The following CPNE4 variants were observed in gnomAD, a reference collection of about 807,000 sequenced individuals.
CPNE4 encodes copine 4, also known as copine-4.
In CPNE4, 25 loss-of-function variants were observed where a neutral mutation model predicts 67.9. That is an observed-to-expected ratio of 0.37 (90% CI 0.27 to 0.51). CPNE4 has a LOEUF of 0.51. CPNE4 is among the 20% of genes least tolerant of loss of function. The pLI, the probability that CPNE4 is intolerant of heterozygous loss-of-function variation, is 0.93. For missense variants in CPNE4, 464 were observed against 690.8 expected (o/e 0.67, Z 3.68); for synonymous variants, 242 against 244.9 (o/e 0.99, Z 0.11).
chr3:131,684,072 C>T (rs898816002), intron 6 of CPNE4, among the ~76,000 whole-genome samples: 3 of 152,014 alleles, frequency 2.0e-5, no homozygotes, highest in African/African-American at 7.2e-5. Context: ...TCTTTCCTAC[C>T]CTCTTCAGTG....
chr3:131,790,478 T>C (rs1031937000), intron 2 of CPNE4, among the ~76,000 whole-genome samples: 1 of 152,140 alleles, frequency 6.6e-6, no homozygotes, highest in African/African-American at 2.4e-5. Flanking sequence ...AACAGGCACC[T>C]TTCTTAGGAG....
At chr3:131,887,985 C>A (rs1460592702) in intron 2 of CPNE4, among the ~76,000 whole-genome samples, 2 of 152,180 alleles carry the variant, frequency 1.3e-5, no homozygotes, top group African/African-American at 4.8e-5. Flanking sequence ...CCTAGCCTAA[C>A]ACTTGGGTGA....
chr3:131,962,260 T>A (rs1212070336), intron 1 of CPNE4, among the ~76,000 whole-genome samples: 2 of 152,210 alleles, frequency 1.3e-5, no homozygotes, highest in East Asian at 3.8e-4. Context: ...ATTCAGCAGG[T>A]GCTAAGTCAA....
chr3:131,822,252 T>A (rs900587098), intron 2 of CPNE4, among the ~76,000 whole-genome samples: 1 of 152,200 alleles, frequency 6.6e-6, no homozygotes. Flanking sequence ...GAGACCAGAC[T>A]GCTTTTATAG....
At chr3:132,008,226 G>T (rs932890011) in intron 1 of CPNE4, among the ~76,000 whole-genome samples, 1 of 152,118 alleles carries the variant, frequency 6.6e-6, no homozygotes, top group South Asian at 2.1e-4. Context: ...ACCCAGTCTC[G>T]AGTGAAATGG....
chr3:131,696,608 A>G lies in CPNE4; in HGVS notation c.441T>C (p.Ala147=), dbSNP rs1422390418. 8 of 1,613,882 alleles carry G rather than the reference A, an allele frequency of 5.0e-6. No individual in the cohort carries two copies. The highest frequency in any genetic ancestry group is 6.8e-6 in the Non-Finnish European group (8 of 1,179,904). Residue 147 remains alanine, a synonymous_variant, in exon 5 of 16, where the codon GCT becomes GCC. Transcript: ENST00000429747. ...TAGKSSITVI[A]EELSGNDDYV... is the part of the protein sequence containing the mutation. ...AGTCGTCATTGCCAGATAATTCTTC[A>G]GCAATCACCTAAAGGAAAAAGCACA...
intron 1 of CPNE4, among the ~76,000 whole-genome samples, chr3:132,001,436 T>C (rs573900027): frequency 5.7e-4 from 86 of 151,732 alleles, no homozygotes; most frequent in African/African-American, 1.8e-3. Context: ...TGGCTACAAA[T>C]GGACCATACA....
intron 2 of CPNE4, among the ~76,000 whole-genome samples, chr3:131,731,951 C>T (rs1365558867): frequency 1.3e-5 from 2 of 152,032 alleles, no homozygotes; most frequent in African/African-American, 4.8e-5. Flanking sequence ...ATCTCCAAAC[C>T]AATTAATTTG....
chr3:132,028,938 TA>T (rs1389596593), intron 1 of CPNE4, among the ~76,000 whole-genome samples: 11 of 145,812 alleles, frequency 7.5e-5, no homozygotes, highest in African/African-American at 2.5e-4. Context: ...TTTTTTTTTT[TA>T]AAGGGTGAAG....
intron 3 of CPNE4, 29 bp from the exon 4 acceptor site, chr3:131,700,009 A>G: frequency 6.4e-7 from 1 of 1,563,396 alleles, no homozygotes; most frequent in Non-Finnish European, 8.8e-7. Context: ...AAGGTAACAA[A>G]AGGTAGAGAT....
At chr3:131,587,354 C>T in intron 8 of CPNE4, 130 bp downstream of exon 8, 1 of 652,798 alleles carries the variant, frequency 1.5e-6, no homozygotes. Flanking sequence ...TACTCACATC[C>T]TACCATGCTC....
intron 1 of CPNE4, among the ~76,000 whole-genome samples, chr3:131,948,791 A>G (rs983813438): frequency 6.6e-6 from 1 of 152,106 alleles, no homozygotes; most frequent in African/African-American, 2.4e-5. Flanking sequence ...TAAATTGAAA[A>G]CAACAAGTGG....
chr3:132,021,200 G>T (rs993266123), intron 1 of CPNE4, among the ~76,000 whole-genome samples: 1 of 152,130 alleles, frequency 6.6e-6, no homozygotes, highest in Non-Finnish European at 1.5e-5. Context: ...AGGATCCTTA[G>T]AGATTAAATA....
intron 2 of CPNE4, among the ~76,000 whole-genome samples, chr3:131,737,753 G>A (rs1207237696): frequency 6.6e-6 from 1 of 151,964 alleles, no homozygotes; most frequent in Non-Finnish European, 1.5e-5. Flanking sequence ...AGGTTAGAGG[G>A]CTCAGGAAAT....
At chr3:131,648,189 T>G (rs988728208) in intron 7 of CPNE4, among the ~76,000 whole-genome samples, 1 of 152,118 alleles carries the variant, frequency 6.6e-6, no homozygotes, top group Non-Finnish European at 1.5e-5. Context: ...CTGAGAAACA[T>G]AGTGAAATCC....
chr3:131,864,348 T>C (rs1225719028), intron 2 of CPNE4, among the ~76,000 whole-genome samples: 1 of 152,198 alleles, frequency 6.6e-6, no homozygotes, highest in Non-Finnish European at 1.5e-5. Flanking sequence ...TCATGGAATG[T>C]TCTTCCATTT....
At chr3:131,590,122 C>T (rs551090819) in intron 7 of CPNE4, among the ~76,000 whole-genome samples, 2 of 152,210 alleles carry the variant, frequency 1.3e-5, no homozygotes, top group Non-Finnish European at 2.9e-5. Context: ...CCCAATTTGC[C>T]CTTCTTCCAT....
At chr3:131,903,255 G>A (rs955053750) in intron 2 of CPNE4, among the ~76,000 whole-genome samples, 1 of 152,054 alleles carries the variant, frequency 6.6e-6, no homozygotes, top group African/African-American at 2.4e-5. Flanking sequence ...GCTCTGATCA[G>A]CATGGCTTCA....
chr3:131,656,631 T>C (rs547645064), intron 7 of CPNE4, among the ~76,000 whole-genome samples: 8 of 152,222 alleles, frequency 5.3e-5, no homozygotes, highest in Non-Finnish European at 1.2e-4. Context: ...TTTTAGGGGC[T>C]GAGGATATAG....
Sources: gnomAD v4.1 joint callset for allele counts (sites outside exome capture counted in the v4.1 genomes callset) on GRCh38, gnomAD v4.1.1 for gene constraint, MANE v1.5 for transcripts, NCBI Gene and HGNC (gene_info 2026-07-23, HGNC 2026-07-21) for gene names.